Variants in SH3GL2 observed in about 807,000 individuals in gnomAD.
SH3GL2 encodes SH3 domain containing GRB2 like 2, endophilin A1.
A neutral mutation model predicts 46.0 loss-of-function variants in SH3GL2; 24 were observed. The ratio of observed to expected loss-of-function variants is 0.52; its 90% CI spans 0.38 to 0.73. SH3GL2 has a LOEUF of 0.73. SH3GL2 is among the 30% of genes least tolerant of loss of function. The pLI, the probability that SH3GL2 is intolerant of heterozygous loss-of-function variation, is 0.00. For synonymous variants in SH3GL2, 196 were observed against 147.1 expected, an observed-to-expected ratio of 1.33 and a Z score of -2.40; for missense variants, 413 against 424.2, an observed-to-expected ratio of 0.97 and a Z score of 0.23.
chr9:17,607,437 A>G (rs957220832), intron 1 of SH3GL2, among the ~76,000 whole-genome samples: 2 of 152,210 alleles, frequency 1.3e-5, no homozygotes, highest in African/African-American at 4.8e-5. Context: ...TAGGACTGGA[A>G]GTTGCTTCTG....
intron 1 of SH3GL2, among the ~76,000 whole-genome samples, chr9:17,592,135 G>C (rs1374034547): frequency 6.6e-6 from 1 of 152,198 alleles, no homozygotes; most frequent in Non-Finnish European, 1.5e-5. Flanking sequence ...CCGGGGAGCT[G>C]CTGGTGTAAG....
chr9:17,683,948 T>C (rs1289279531), intron 1 of SH3GL2, among the ~76,000 whole-genome samples: 3 of 152,066 alleles, frequency 2.0e-5, no homozygotes, highest in South Asian at 4.1e-4. Context: ...CACTTAAGAT[T>C]AGCAGGATGC....
intron 1 of SH3GL2, among the ~76,000 whole-genome samples, chr9:17,619,754 C>G (rs895001061): frequency 6.6e-6 from 1 of 152,176 alleles, no homozygotes; most frequent in African/African-American, 2.4e-5. Context: ...CATTTAGGCT[C>G]TGTCCATTTT....
chr9:17,779,252 G>A (rs1823731492), intron 3 of SH3GL2, among the ~76,000 whole-genome samples: 1 of 152,150 alleles, frequency 6.6e-6, no homozygotes, highest in Non-Finnish European at 1.5e-5. Context: ...TGTTTTCTGA[G>A]TAATTCTGAT....
intron 1 of SH3GL2, among the ~76,000 whole-genome samples, chr9:17,646,216 G>A (rs536790391): frequency 5.3e-5 from 8 of 151,644 alleles, no homozygotes; most frequent in African/African-American, 1.5e-4. Flanking sequence ...ATGTTTTTCC[G>A]CTCCATCAGG....
intron 2 of SH3GL2, among the ~76,000 whole-genome samples, chr9:17,756,732 A>C (rs1290384617): frequency 6.6e-6 from 1 of 151,974 alleles, no homozygotes; most frequent in Non-Finnish European, 1.5e-5. Flanking sequence ...TCATTGATGG[A>C]CATTTGGGTT....
intron 1 of SH3GL2, among the ~76,000 whole-genome samples, chr9:17,655,241 C>CT (rs1409895602): frequency 6.6e-6 from 1 of 152,140 alleles, no homozygotes; most frequent in African/African-American, 2.4e-5. Context: ...ATTGTCTTGT[C>CT]TTTTTGAATT....
intron 1 of SH3GL2, among the ~76,000 whole-genome samples, chr9:17,687,707 G>A (rs888698643): frequency 2.0e-5 from 3 of 150,500 alleles, no homozygotes; most frequent in Admixed American, 6.6e-5. Flanking sequence ...AGTTTAAGTC[G>A]AGGATTTGTC....
In SH3GL2 at chr9:17,743,429, A is replaced by G. The variant is rs150822498; in HGVS notation, c.46-3637A>G. On this transcript the variant is annotated intron_variant, in intron 1 of 8. Transcript: ENST00000380607. ...ATAACTGCTAATAACATCATTCGCT[A>G]TATTTGGTGAACTGTCTCTCTCAGC... Among the ~76,000 whole-genome samples, 417 of 152,218 alleles carry G rather than the reference A, an allele frequency of 2.7e-3. 3 individuals carry two copies. The highest frequency in any genetic ancestry group is 9.5e-3 in the African/African-American group (394 of 41,528).
At chr9:17,600,260 A>C (rs1257362087) in intron 1 of SH3GL2, among the ~76,000 whole-genome samples, 2 of 152,236 alleles carry the variant, frequency 1.3e-5, no homozygotes, top group South Asian at 2.1e-4. Context: ...CTTAAGCATC[A>C]ATGTTCTTAA....
intron 1 of SH3GL2, among the ~76,000 whole-genome samples, chr9:17,665,534 A>G (rs1277279741): frequency 6.6e-6 from 1 of 152,028 alleles, no homozygotes; most frequent in East Asian, 1.9e-4. Flanking sequence ...AACGTTTATT[A>G]TGTCCTCTTG....
intron 1 of SH3GL2, among the ~76,000 whole-genome samples, chr9:17,655,348 GA>G (rs1820049377): frequency 2.0e-5 from 3 of 152,124 alleles, no homozygotes; most frequent in African/African-American, 7.2e-5. Context: ...AACTGGTAAG[GA>G]AATTGGATGT....
intron 1 of SH3GL2, among the ~76,000 whole-genome samples, chr9:17,672,772 T>TC (rs1820506195): frequency 6.6e-6 from 1 of 152,232 alleles, no homozygotes; most frequent in African/African-American, 2.4e-5. Context: ...CATCTCTTTT[T>TC]ACTTCAGAAG....
chr9:17,616,091 C>G (rs1444205207), intron 1 of SH3GL2, among the ~76,000 whole-genome samples: 1 of 152,114 alleles, frequency 6.6e-6, no homozygotes, highest in Admixed American at 6.5e-5. Flanking sequence ...GGATTACTTA[C>G]CCATTAACAC....
intron 2 of SH3GL2, among the ~76,000 whole-genome samples, chr9:17,754,753 T>C (rs776552579): frequency 5.3e-5 from 8 of 152,186 alleles, no homozygotes; most frequent in Non-Finnish European, 1.0e-4. Flanking sequence ...GTGGCAATTG[T>C]GAAGGAGATT....
At chr9:17,767,124 C>T (rs1389529069) in intron 3 of SH3GL2, among the ~76,000 whole-genome samples, 1 of 152,150 alleles carries the variant, frequency 6.6e-6, no homozygotes, top group Non-Finnish European at 1.5e-5. Context: ...ACATAAAAAG[C>T]AGCTTGAATG....
chr9:17,690,647 G>A (rs1197982675), intron 1 of SH3GL2, among the ~76,000 whole-genome samples: 1 of 152,080 alleles, frequency 6.6e-6, no homozygotes, highest in African/African-American at 2.4e-5. Flanking sequence ...ACTGTGGCTT[G>A]CATGTGGCAA....
intron 2 of SH3GL2, among the ~76,000 whole-genome samples, chr9:17,759,498 A>G (rs1356463665): frequency 2.6e-5 from 4 of 152,074 alleles, no homozygotes; most frequent in Non-Finnish European, 5.9e-5. Flanking sequence ...GAAGTATAGG[A>G]TGGTCATTAA....
chr9:17,684,734 A>G lies in SH3GL2; in HGVS notation c.46-62332A>G, dbSNP rs367696555. Reference sequence around the variant, plus strand: ...GAGAAAAAGACACATTATATACAGAAGAAGAAAGATGAGTCAAAGCAGACT... The same window carrying G: ...GAGAAAAAGACACATTATATACAGAGGAAGAAAGATGAGTCAAAGCAGACT... On this transcript the variant is annotated intron_variant, in intron 1 of 8. Transcript: ENST00000380607. 2.3e-4 allele frequency among the ~76,000 whole-genome samples: 35 copies of G among 152,236 alleles called. 1 individual carries two copies. In the South Asian group the frequency reaches 7.1e-3, roughly 31 times the overall value.
Sources: allele counts gnomAD v4.1 joint callset (sites outside exome capture counted in the v4.1 genomes callset), GRCh38; gene constraint gnomAD v4.1.1; transcripts MANE v1.5; gene names NCBI Gene and HGNC (gene_info 2026-07-23, HGNC 2026-07-21).